Variants in TGFBR2 observed in about 807,000 individuals in gnomAD.
TGFBR2 encodes the protein transforming growth factor beta receptor 2.
A neutral mutation model predicts 49.0 loss-of-function variants in TGFBR2; 18 were observed. The observed-to-expected ratio is 0.37, with a 90% confidence interval of 0.25 to 0.54. The LOEUF (loss-of-function observed/expected upper bound fraction) is 0.54. Among genes scored for constraint, TGFBR2 ranks in the 20% least tolerant of loss-of-function variants. The pLI, the probability that TGFBR2 is intolerant of heterozygous loss-of-function variation, is 0.85. For synonymous variants in TGFBR2, 282 were observed against 275.9 expected (o/e 1.02, Z -0.22); for missense variants, 525 against 722.6 (o/e 0.73, Z 3.13).
rs142284896 is a variant in TGFBR2, at chr3:30,660,149, A to G, written c.454+9689A>G. Among the ~76,000 whole-genome samples the G allele has an allele frequency of 2.6e-5, 4 of 152,348 alleles. No individual in the cohort carries two copies. In the East Asian group the frequency reaches 7.7e-4, roughly 29 times the overall value. Reference sequence around the variant, plus strand: ...TTTGCTTATCTACTTTTAAAAATATACATATATATGCCTTTTGTTGCCTAA... The same window carrying G: ...TTTGCTTATCTACTTTTAAAAATATGCATATATATGCCTTTTGTTGCCTAA... On this transcript the variant is annotated intron_variant, in intron 3 of 6. Coordinates refer to ENST00000295754, the MANE Select transcript of TGFBR2 (RefSeq NM_003242.6).
chr3:30,642,027 C>G (rs991366599), intron 1 of TGFBR2, among the ~76,000 whole-genome samples: 4 of 152,106 alleles, frequency 2.6e-5, no homozygotes, highest in African/African-American at 7.2e-5. Context: ...AAACCACTTG[C>G]ATTTGTCAAT....
rs748102367 is a variant in TGFBR2, at chr3:30,672,060, A to G, written c.877A>G (p.Ile293Val). 1.2e-6 allele frequency: 2 copies of G among 1,614,230 alleles called. No homozygotes were observed. The highest frequency in any genetic ancestry group is 1.3e-5 in the African/African-American group (1 of 75,066). The change falls in exon 4 of 7, where the codon ATC (isoleucine) becomes GTC (valine). Residue 293 changes from isoleucine to valine, a missense_variant. Ile to Val is a conservative substitution (Grantham distance 29). Coordinates refer to ENST00000295754, the MANE Select transcript of TGFBR2 (RefSeq NM_003242.6). The surrounding 1 kb of genome is among the most constrained non-coding windows in gnomAD (Gnocchi z 4.5). ...TGCCTCTTGGAAGACAGAGAAGGAC[A>G]TCTTCTCAGACATCAATCTGAAGCA... ...EYASWKTEKD[I>V]FSDINLKHEN...
Position 30,693,665 on chromosome 3 carries a change from G to A in TGFBR2, c.*2066G>A, listed in dbSNP as rs566913021. 259 of 233,464 alleles carry A rather than the reference G, an allele frequency of 1.1e-3. No individual in the cohort carries two copies. The highest frequency in any genetic ancestry group is 1.4e-3 in the Non-Finnish European group (170 of 117,858). The allele number at this position is 233,464 out of a possible 1,614,324, so 14.5% of individuals were successfully genotyped here. On this transcript the variant is annotated 3_prime_UTR_variant, in exon 7 of 7. Transcript: ENST00000295754. Reference sequence around the variant, plus strand: ...GGCGCCTAGAAATTCCACTTGCACCGTAGGGCATGCTGATACCATCCCAAT... The same window carrying A: ...GGCGCCTAGAAATTCCACTTGCACCATAGGGCATGCTGATACCATCCCAAT...
At chr3:30,623,509 C>T (rs1698274540) in intron 1 of TGFBR2, among the ~76,000 whole-genome samples, 1 of 152,160 alleles carries the variant, frequency 6.6e-6, no homozygotes, top group Non-Finnish European at 1.5e-5. Flanking sequence ...GGGTTTTGTC[C>T]ACCCATCATA....
intron 6 of TGFBR2, among the ~76,000 whole-genome samples, chr3:30,688,829 G>A (rs184317195): frequency 6.6e-6 from 1 of 152,262 alleles, no homozygotes; most frequent in Non-Finnish European, 1.5e-5. Flanking sequence ...CTTCACGTCA[G>A]GAGTTTATAT....
In TGFBR2 at chr3:30,688,396, A is replaced by T. The variant is rs760797386; in HGVS notation, c.1409A>T (p.Tyr470Phe). Residue 470 changes from tyrosine (Y) to phenylalanine (F), a missense_variant, in exon 6 of 7, where the codon TAT becomes TTT. Around this residue, in one of 3 missense-constraint regions of TGFBR2, gnomAD observed 104 missense variants for 133.4 expected, o/e 0.78. Transcript: ENST00000295754. The stretch of plus-strand genomic sequence containing the variant: ...GCTTTCTTCACAGAAGTAAAAGATT[A>T]TGAGCCTCCATTTGGTTCCAAGGTG... ...RCNAVGEVKD[Y>F]EPPFGSKVRE... 1.9e-6 allele frequency: 3 copies of T among 1,614,208 alleles called. No homozygotes were observed. Among genetic ancestry groups the T allele is most frequent in the East Asian group, 2.2e-5 (1 of 44,880 alleles).
intron 1 of TGFBR2, chr3:30,623,103 A>C (rs1575133803): frequency 1.4e-6 from 1 of 730,030 alleles, no homozygotes; most frequent in East Asian, 2.7e-5. Context: ...TCACAGTAAT[A>C]GAAAGCTTCA....
chr3:30,659,872 A>C (rs1413711871), intron 3 of TGFBR2, among the ~76,000 whole-genome samples: 1 of 151,852 alleles, frequency 6.6e-6, no homozygotes, highest in Non-Finnish European at 1.5e-5. Flanking sequence ...CGAGTGTCTC[A>C]GTGTCCCACC....
intron 5 of TGFBR2, among the ~76,000 whole-genome samples, chr3:30,674,472 C>G (rs561847950): frequency 4.0e-4 from 61 of 152,248 alleles, no homozygotes; most frequent in African/African-American, 1.5e-3. Context: ...TTTTATAAAC[C>G]TTTGTATAAT....
chr3:30,623,335 C>T, intron 1 of TGFBR2: 1 of 1,564,948 alleles, frequency 6.4e-7, no homozygotes, highest in Non-Finnish European at 8.8e-7. Flanking sequence ...TCCCTCACTG[C>T]TTAATTTGTA....
At chr3:30,663,702 G>A (rs567480584) in intron 3 of TGFBR2, among the ~76,000 whole-genome samples, 4 of 152,174 alleles carry the variant, frequency 2.6e-5, no homozygotes, top group South Asian at 4.2e-4. Context: ...ATTGAGTTGG[G>A]GAACATGAAC....
At chr3:30,639,338 T>C (rs2125399970) in intron 1 of TGFBR2, among the ~76,000 whole-genome samples, 1 of 152,332 alleles carries the variant, frequency 6.6e-6, no homozygotes, top group East Asian at 1.9e-4. Flanking sequence ...TAAAATCATT[T>C]GACTTTAAGT....
intron 1 of TGFBR2, among the ~76,000 whole-genome samples, chr3:30,612,206 T>G (rs1698043051): frequency 6.6e-6 from 1 of 152,230 alleles, no homozygotes; most frequent in South Asian, 2.1e-4. Context: ...CTTGATATTA[T>G]GTATCTCATT....
chr3:30,614,195 G>A (rs541095680), intron 1 of TGFBR2, among the ~76,000 whole-genome samples: 1 of 148,064 alleles, frequency 6.8e-6, no homozygotes, highest in African/African-American at 2.5e-5. Context: ...AGGCGGGCAA[G>A]GTGAAGTTTA....
At chr3:30,634,089 C>T (rs964689684) in intron 1 of TGFBR2, among the ~76,000 whole-genome samples, 7 of 152,064 alleles carry the variant, frequency 4.6e-5, no homozygotes, top group Admixed American at 1.3e-4. Context: ...ACAAGAACCC[C>T]GCAGCATATT....
intron 3 of TGFBR2, among the ~76,000 whole-genome samples, chr3:30,655,300 A>C (rs1277241297): frequency 6.6e-6 from 1 of 152,174 alleles, no homozygotes; most frequent in African/African-American, 2.4e-5. Context: ...TTGAGTGCTG[A>C]CTGTGGTGCA....
chr3:30,661,573 CA>C, intron 3 of TGFBR2: 2 of 515,754 alleles, frequency 3.9e-6, no homozygotes, highest in South Asian at 2.8e-5. Flanking sequence ...CAATCGATTG[CA>C]AAGGAGCACT....
chr3:30,636,951 C>A (rs996158539), intron 1 of TGFBR2, among the ~76,000 whole-genome samples: 10 of 151,714 alleles, frequency 6.6e-5, no homozygotes, highest in African/African-American at 2.4e-4. Flanking sequence ...GTAGTCCCAG[C>A]TGCTCGGGAG....
upstream of TGFBR2, chr3:30,606,530 G>A: frequency 3.7e-6 from 1 of 269,026 alleles, no homozygotes; most frequent in East Asian, 5.3e-5. Context: ...CGGGCGGAGA[G>A]AGGTCCTGCC....
Sources: allele counts gnomAD v4.1 joint callset (sites outside exome capture counted in the v4.1 genomes callset), GRCh38; gene constraint gnomAD v4.1.1; regional missense constraint gnomAD v4.1.1; non-coding constraint Gnocchi (gnomAD v3.1); transcripts MANE v1.5; gene names NCBI Gene and HGNC (gene_info 2026-07-23, HGNC 2026-07-21).